The following NT5C3B variants were observed in gnomAD, a reference collection of about 807,000 sequenced individuals.
The protein encoded by NT5C3B is 5'-nucleotidase, cytosolic IIIB.
A neutral mutation model predicts 32.5 loss-of-function variants in NT5C3B; 28 were observed. The ratio of observed to expected loss-of-function variants is 0.86; its 90% CI spans 0.64 to 1.18. NT5C3B has a LOEUF of 1.18. NT5C3B is among the 50% of genes most tolerant of loss of function. The pLI is 0.00. For synonymous variants in NT5C3B, 138 were observed against 118.0 expected (o/e 1.17, Z -1.10); for missense variants, 317 against 322.0 (o/e 0.98, Z 0.12).
intron 4 of NT5C3B, among the ~76,000 whole-genome samples, chr17:41,834,393 T>TACAC (rs56965181): frequency 0.056 from 7,870 of 139,466 alleles, 502 homozygotes; most frequent in African/African-American, 0.16. Context: ...AAAAAAAAAA[T>TACAC]ACACACACAC....
intron 5 of NT5C3B, among the ~76,000 whole-genome samples, chr17:41,831,940 C>A (rs568812573): frequency 2.6e-5 from 4 of 152,144 alleles, no homozygotes; most frequent in Non-Finnish European, 4.4e-5. Context: ...CCCGTAGTAC[C>A]AGCTACTTGG....
In NT5C3B at chr17:41,825,518, C is replaced by A. The variant is rs996784252; in HGVS notation, c.*5G>T. On this transcript the variant is annotated 3_prime_UTR_variant, in exon 9 of 9. Coordinates refer to ENST00000435506, the MANE Select transcript of NT5C3B (RefSeq NM_052935.5). ...GGCCTGCAGGCCGGGCTGGAGCCTG[C>A]GCCTTCAGGGGCCTTGCATCTCCAG... 1.1e-6 allele frequency: 1 copy of A among 871,464 alleles called. No homozygotes were observed. Among genetic ancestry groups the A allele is most frequent in the Admixed American group, 1.7e-5 (1 of 58,992 alleles). 54.0% of individuals were successfully genotyped at this position (871,464 alleles called of 1,614,324 possible).
At chr17:41,831,929 G>A (rs1168280168) in intron 5 of NT5C3B, among the ~76,000 whole-genome samples, 1 of 152,164 alleles carries the variant, frequency 6.6e-6, no homozygotes, top group East Asian at 1.9e-4. Context: ...AGTGGCACGT[G>A]CCCGTAGTAC....
chr17:41,830,364 C>T (rs1446859643), intron 6 of NT5C3B, among the ~76,000 whole-genome samples: 4 of 152,124 alleles, frequency 2.6e-5, no homozygotes, highest in African/African-American at 9.7e-5. Context: ...AAAAATTAGC[C>T]GGGTGTGGTG....
intron 2 of NT5C3B, 151 bp downstream of exon 2, chr17:41,835,708 G>T: frequency 2.4e-6 from 2 of 847,144 alleles, no homozygotes; most frequent in Non-Finnish European, 3.9e-6. Flanking sequence ...TAGGACAGGC[G>T]AACCAACCCG....
chr17:41,835,301 A>T, intron 2 of NT5C3B, 29 bp from the exon 3 acceptor site: 1 of 1,577,970 alleles, frequency 6.3e-7, no homozygotes, highest in Non-Finnish European at 8.7e-7. Flanking sequence ...ATGATGCCTA[A>T]ATAGGCACCA....
chr17:41,830,061 G>A (rs1389673437), intron 6 of NT5C3B, among the ~76,000 whole-genome samples: 1 of 152,088 alleles, frequency 6.6e-6, no homozygotes, highest in Admixed American at 6.6e-5. Flanking sequence ...CTTCCTTTAT[G>A]AGGATTTCTT....
At position 41,827,455 on chromosome 17, in the gene NT5C3B, T is replaced by C. The variant is rs782111025; in HGVS notation, c.739A>G (p.Ile247Val). ...TCATTCAGGAAGCCAATTTTGAGAA[T>C]GTTCTGCACACCAGGAACCCCATCG... Reference protein sequence around the residue: ...MADGVPGVQNILKIGFLNDKV... With the variant: ...MADGVPGVQNVLKIGFLNDKV... Residue 247 changes from isoleucine to valine, a missense_variant, in exon 8 of 9, where the codon ATT becomes GTT. Physicochemically the swap from Ile to Val is conservative, Grantham distance 29. Transcript: ENST00000435506. The C allele has an allele frequency of 2.3e-6, 2 of 872,920 alleles. No individual in the cohort carries two copies. The highest frequency in any genetic ancestry group is 1.7e-5 in the Admixed American group (1 of 59,168). 54.1% of individuals were successfully genotyped at this position (872,920 alleles called of 1,614,324 possible).
intron 6 of NT5C3B, among the ~76,000 whole-genome samples, chr17:41,829,210 C>T (rs2048013867): frequency 1.3e-5 from 2 of 151,966 alleles, no homozygotes; most frequent in Admixed American, 6.6e-5. Context: ...TTTGTAAAGA[C>T]GGGGTTTTCC....
Position 41,828,828 on chromosome 17 carries a change from T to C in NT5C3B, c.529A>G (p.Ile177Val), listed in dbSNP as rs782333805. Residue 177 changes from isoleucine to valine, a missense_variant, in exon 7 of 9, where the codon ATC becomes GTC. Transcript: ENST00000435506. Reference protein sequence around the residue: ...IRQMKVFHPNIHIVSNYMDFN... With the variant: ...IRQMKVFHPNVHIVSNYMDFN... ...TCCATGTAGTTAGACACGATGTGGA[T>C]GTTGGGGTGGAACACTTTCATCTGT... 1 of 1,613,902 alleles carries C rather than the reference T, an allele frequency of 6.2e-7. No homozygotes were observed. The highest frequency in any genetic ancestry group is 1.3e-5 in the African/African-American group (1 of 74,908).
intron 7 of NT5C3B, 72 bp downstream of exon 7, chr17:41,828,718 T>C (rs782201124): frequency 8.0e-6 from 11 of 1,379,234 alleles, no homozygotes; most frequent in Non-Finnish European, 1.0e-5. Context: ...TTAGGGTTCA[T>C]GCAGAGTTAA....
At chr17:41,832,281 C>G in intron 5 of NT5C3B, 111 bp downstream of exon 5, 1 of 852,088 alleles carries the variant, frequency 1.2e-6, no homozygotes, top group South Asian at 1.6e-5. Context: ...AAATTAAGCC[C>G]TCAGTGAAGT....
chr17:41,825,898 C>T (rs768422501), intron 8 of NT5C3B, among the ~76,000 whole-genome samples: 13 of 152,082 alleles, frequency 8.5e-5, no homozygotes, highest in Admixed American at 3.3e-4. Context: ...GGAATAAAAA[C>T]AAAAAACCAG....
intron 6 of NT5C3B, among the ~76,000 whole-genome samples, chr17:41,829,551 T>A (rs910290445): frequency 6.6e-6 from 1 of 152,234 alleles, no homozygotes; most frequent in Non-Finnish European, 1.5e-5. Flanking sequence ...GTCCTTGAAC[T>A]TCATATAAAT....
Position 41,830,145 on chromosome 17 carries a change from G to C in NT5C3B, c.404+656C>G, listed in dbSNP as rs2048027753. Reference sequence around the variant, plus strand: ...GCCAACGATCAAGCGTCCCAGCCTAGCCAACTCCCAGTCACCATGAAGAAC... The same window carrying C: ...GCCAACGATCAAGCGTCCCAGCCTACCCAACTCCCAGTCACCATGAAGAAC... On this transcript the variant is annotated intron_variant, in intron 6 of 8. Coordinates refer to ENST00000435506, the MANE Select transcript of NT5C3B (RefSeq NM_052935.5). Among the ~76,000 whole-genome samples the C allele has an allele frequency of 1.3e-5, 2 of 152,156 alleles. 1 individual carries two copies. Among genetic ancestry groups the C allele is most frequent in the East Asian group, 3.9e-4 (2 of 5,186 alleles).
chr17:41,832,291 T>C, intron 5 of NT5C3B, 101 bp downstream of exon 5: 1 of 952,814 alleles, frequency 1.0e-6, no homozygotes, highest in Non-Finnish European at 1.6e-6. Context: ...CTCAGTGAAG[T>C]AAGGGAGCCT....
rs1555618031 is a variant in NT5C3B at position 41,825,611 on chromosome 17, A to C, written c.815T>G (p.Leu272Arg). 1 of 872,848 alleles carries C rather than the reference A, an allele frequency of 1.1e-6. No individual in the cohort carries two copies. The allele number at this position is 872,848 out of a possible 1,614,324, so 54.1% of individuals were successfully genotyped here. The change falls in exon 9 of 9, where the codon CTG becomes CGG. Residue 272 changes from leucine (L) to arginine (R), a missense_variant. Physicochemically the swap from Leu to Arg is moderately radical, Grantham distance 102. Coordinates refer to ENST00000435506, the MANE Select transcript of NT5C3B (RefSeq NM_052935.5). ...CACATCCAGAGTCTCGTCCTTCTCC[A>C]GCACGATGTCATAGGAGTCCATGTA... ...ERYMDSYDIV[L>R]EKDETLDVVN...
At position 41,825,395 on chromosome 17, in the gene NT5C3B, C is replaced by G. The variant is rs782655696; in HGVS notation, c.*128G>C. ...ATGAAGGTGCTCAGGGAAAGGAGGACGGAGGGGCGCGGAAGGACCCAGCCA... is the reference window on the plus strand; with the variant it reads ...ATGAAGGTGCTCAGGGAAAGGAGGAGGGAGGGGCGCGGAAGGACCCAGCCA... On this transcript the variant is annotated 3_prime_UTR_variant, in exon 9 of 9. Coordinates refer to ENST00000435506, the MANE Select transcript of NT5C3B (RefSeq NM_052935.5). 1.5e-6 allele frequency: 1 copy of G among 668,594 alleles called. No homozygotes were observed. The highest frequency in any genetic ancestry group is 2.5e-6 in the Non-Finnish European group (1 of 396,662). 41.4% of individuals were successfully genotyped at this position (668,594 alleles called of 1,614,324 possible).
rs548287064 is a variant in NT5C3B, at chr17:41,834,167, G to A, written c.228+903C>T. Among the ~76,000 whole-genome samples the A allele has an allele frequency of 4.6e-5, 7 of 151,980 alleles. No homozygotes were observed. The East Asian group carries it at 5.8e-4, about 13-fold the overall frequency. On this transcript the variant is annotated intron_variant, in intron 4 of 8. Transcript: ENST00000435506. The stretch of plus-strand genomic sequence containing the variant: ...TCTCAGCACTTTGGGAGGCCAAGGC[G>A]GGCGGATCACCTGAGGTTGGGAGTT...
Sources: gnomAD v4.1 joint callset for allele counts (sites outside exome capture counted in the v4.1 genomes callset) on GRCh38, gnomAD v4.1.1 for gene constraint, MANE v1.5 for transcripts, NCBI Gene and HGNC (gene_info 2026-07-23, HGNC 2026-07-21) for gene names.